The following SLC14A2 variants were observed in gnomAD, a reference collection of about 807,000 sequenced individuals.
The protein encoded by SLC14A2 is urea transporter 2.
A neutral mutation model predicts 104.6 loss-of-function variants in SLC14A2; 91 were observed. The observed-to-expected ratio is 0.87, with a 90% CI of 0.73 to 1.04. The LOEUF is 1.04. SLC14A2 is among the 50% of genes least tolerant of loss of function. The probability of loss-of-function intolerance (pLI) is 0.00; values close to 1 mark genes in which losing one functional copy is unlikely to be tolerated. For missense variants in SLC14A2, 1,189 were observed against 1,156.0 expected, an observed-to-expected ratio of 1.03 and a Z score of -0.41; for synonymous variants, 476 against 466.4, an observed-to-expected ratio of 1.02 and a Z score of -0.27.
intron 1 of SLC14A2, among the ~76,000 whole-genome samples, chr18:45,231,424 A>T (rs971639764): frequency 3.9e-5 from 6 of 152,104 alleles, no homozygotes; most frequent in African/African-American, 1.4e-4. Context: ...GCAGGTCTTG[A>T]ACCCCTGGCC....
intron 10 of SLC14A2, among the ~76,000 whole-genome samples, chr18:45,651,842 C>T (rs1026711659): frequency 1.3e-5 from 2 of 152,226 alleles, no homozygotes; most frequent in African/African-American, 4.8e-5. Context: ...ACCAGTTAGC[C>T]ATTTGGCCAC....
chr18:45,397,683 T>C (rs928433552), intron 1 of SLC14A2, among the ~76,000 whole-genome samples: 6 of 152,228 alleles, frequency 3.9e-5, no homozygotes, highest in Non-Finnish European at 7.3e-5. Flanking sequence ...ATCCCTCTTG[T>C]CAATTTTTGC....
At chr18:45,524,590 T>C (rs2144816527) in intron 2 of SLC14A2, among the ~76,000 whole-genome samples, 1 of 152,234 alleles carries the variant, frequency 6.6e-6, no homozygotes. Context: ...GCCCTATATA[T>C]CCACATCAGA....
At chr18:45,675,702 TATATA>T (rs1383139738) in intron 18 of SLC14A2, among the ~76,000 whole-genome samples, 83 of 64,302 alleles carry the variant, frequency 1.3e-3, no homozygotes, top group African/African-American at 4.6e-3. Context: ...TATATATATA[TATATA>T]TATTTTTTTT....
intron 1 of SLC14A2, among the ~76,000 whole-genome samples, chr18:45,235,721 G>A (rs984938906): frequency 8.7e-5 from 13 of 150,124 alleles, no homozygotes; most frequent in African/African-American, 3.2e-4. Context: ...AATGTTCTTC[G>A]GCCTCATCCA....
intron 1 of SLC14A2, among the ~76,000 whole-genome samples, chr18:45,230,407 C>T (rs1228640063): frequency 6.6e-6 from 1 of 152,192 alleles, no homozygotes; most frequent in Non-Finnish European, 1.5e-5. Context: ...CTGCATTTCT[C>T]GGCCTGTGGG....
the SLC14A2 span, among the ~76,000 whole-genome samples, chr18:45,189,768 T>C: frequency 6.6e-6 from 1 of 152,330 alleles, no homozygotes. Flanking sequence ...CAGTCATCCA[T>C]GTGGGGGGAG....
At chr18:45,236,620 T>C (rs976151473) in intron 1 of SLC14A2, among the ~76,000 whole-genome samples, 2 of 150,714 alleles carry the variant, frequency 1.3e-5, no homozygotes, top group African/African-American at 4.9e-5. Context: ...TGTGTGTATA[T>C]ATGTGTGGGT....
At chr18:45,460,843 T>C (rs1007580751) in intron 1 of SLC14A2, among the ~76,000 whole-genome samples, 1 of 152,202 alleles carries the variant, frequency 6.6e-6, no homozygotes, top group African/African-American at 2.4e-5. Context: ...TAAGATTTTA[T>C]TGGCTTCTGC....
At chr18:45,570,903 T>C (rs2044336035) in intron 2 of SLC14A2, among the ~76,000 whole-genome samples, 1 of 152,236 alleles carries the variant, frequency 6.6e-6, no homozygotes, top group Non-Finnish European at 1.5e-5. Flanking sequence ...TGTTGCTCTG[T>C]GTTGAGTCCC....
At chr18:45,236,754 A>G (rs953448207) in intron 1 of SLC14A2, among the ~76,000 whole-genome samples, 5 of 152,066 alleles carry the variant, frequency 3.3e-5, no homozygotes, top group Admixed American at 1.3e-4. Flanking sequence ...AAACATTGTG[A>G]TTTCCTTTCC....
rs754518386 is a variant in SLC14A2, at chr18:45,669,329, G to T, written c.2060G>T (p.Gly687Val). 4 of 1,613,572 alleles carry T rather than the reference G, an allele frequency of 2.5e-6. No homozygotes were observed. Among genetic ancestry groups the T allele is most frequent in the Non-Finnish European group, 3.4e-6 (4 of 1,179,758 alleles). The change falls in exon 16 of 20, where the codon GGT (glycine) becomes GTT (valine). Residue 687 changes from glycine (G) to valine (V), a missense_variant. By Grantham distance (109) the Gly-to-Val change is moderately radical (BLOSUM62 -3). Transcript: ENST00000255226. ...MSCPILSSAL[G>V]TIFSKWDLPV... ...AGCCCCATCCTCTCCAGTGCCCTGG[G>T]TACCATCTTCAGCAAGTGGGACCTC...
chr18:45,513,426 G>A (rs1245255277), intron 2 of SLC14A2, among the ~76,000 whole-genome samples: 1 of 152,140 alleles, frequency 6.6e-6, no homozygotes, highest in African/African-American at 2.4e-5. Flanking sequence ...TGTATACCAA[G>A]AACAAAGCAT....
At chr18:45,260,940 G>A (rs987647266) in intron 1 of SLC14A2, among the ~76,000 whole-genome samples, 4 of 152,010 alleles carry the variant, frequency 2.6e-5, no homozygotes, top group Admixed American at 1.3e-4. Context: ...CCTCAGCATC[G>A]TGCAATATAC....
intron 4 of SLC14A2, among the ~76,000 whole-genome samples, chr18:45,631,466 T>C (rs1232893689): frequency 1.3e-5 from 2 of 152,202 alleles, no homozygotes; most frequent in African/African-American, 4.8e-5. Context: ...CAGCTTCTCC[T>C]CTGAAAAAGA....
intron 1 of SLC14A2, among the ~76,000 whole-genome samples, chr18:45,323,156 T>C (rs1250481200): frequency 6.6e-6 from 1 of 152,226 alleles, no homozygotes; most frequent in African/African-American, 2.4e-5. Context: ...AGCTAGGCTC[T>C]TGGTGTGTAA....
chr18:45,478,306 G>A (rs2087423935), intron 1 of SLC14A2, among the ~76,000 whole-genome samples: 1 of 152,138 alleles, frequency 6.6e-6, no homozygotes, highest in Non-Finnish European at 1.5e-5. Context: ...GCCCTAAATG[G>A]GCTGGATCCA....
chr18:45,533,617 C>T (rs9952082), intron 2 of SLC14A2, among the ~76,000 whole-genome samples: 23,822 of 152,076 alleles, frequency 0.16, 1,858 homozygotes, highest in Middle Eastern at 0.24. Flanking sequence ...TGCTAGTGGT[C>T]TATCAATTTT....
At chr18:45,301,392 C>A (rs940081630) in intron 1 of SLC14A2, among the ~76,000 whole-genome samples, 2 of 152,194 alleles carry the variant, frequency 1.3e-5, no homozygotes, top group Non-Finnish European at 2.9e-5. Context: ...TGGAAAAAGA[C>A]AACTTAGACT....
Sources: allele counts gnomAD v4.1 joint callset (sites outside exome capture counted in the v4.1 genomes callset), GRCh38; gene constraint gnomAD v4.1.1; transcripts MANE v1.5; gene names NCBI Gene and HGNC (gene_info 2026-07-23, HGNC 2026-07-21).